The following DLG2 variants were observed in gnomAD, a reference collection of about 807,000 sequenced individuals.
DLG2 encodes discs large MAGUK scaffold protein 2.
DLG2 carries 45 observed loss-of-function variants against 132.5 expected under a neutral mutation model. That is an observed-to-expected ratio of 0.34 (90% CI 0.27 to 0.44). The LOEUF is 0.44. Among genes scored for constraint, DLG2 ranks in the 20% least tolerant of loss-of-function variants. The pLI is 1.00. For synonymous variants in DLG2, 424 were observed against 419.6 expected, an observed-to-expected ratio of 1.01 and a Z score of -0.13; for missense variants, 1,045 against 1,196.9, an observed-to-expected ratio of 0.87 and a Z score of 1.87.
At chr11:83,507,811 T>TTTAACAAGTA (rs1424078215) in intron 21 of DLG2, among the ~76,000 whole-genome samples, 1 of 138,332 alleles carries the variant, frequency 7.2e-6, no homozygotes, top group Non-Finnish European at 1.5e-5. Context: ...TATATATGAG[T>TTTAACAAGTA]TTAACAAGTA....
chr11:84,529,233 C>A (rs1565203777), intron 7 of DLG2, among the ~76,000 whole-genome samples: 2 of 152,116 alleles, frequency 1.3e-5, no homozygotes, highest in African/African-American at 4.8e-5. Context: ...AAAACCAGAA[C>A]AAGACAAGGA....
chr11:83,627,439 C>A (rs1379847282), intron 19 of DLG2, among the ~76,000 whole-genome samples: 2 of 152,030 alleles, frequency 1.3e-5, no homozygotes, highest in African/African-American at 4.8e-5. Flanking sequence ...GTTCAATTCC[C>A]ACCTATGAGT....
At chr11:85,247,478 C>G (rs1392504962) in intron 4 of DLG2, among the ~76,000 whole-genome samples, 1 of 152,008 alleles carries the variant, frequency 6.6e-6, no homozygotes, top group African/African-American at 2.4e-5. Context: ...CCTGATACTT[C>G]CTGTGGCCCC....
intron 18 of DLG2, among the ~76,000 whole-genome samples, chr11:83,720,402 A>G (rs748119992): frequency 6.6e-6 from 1 of 151,288 alleles, no homozygotes; most frequent in Non-Finnish European, 1.5e-5. Flanking sequence ...CTTTTCCACT[A>G]CAAAAGGTAC....
intron 7 of DLG2, among the ~76,000 whole-genome samples, chr11:84,327,567 C>T (rs1392173983): frequency 6.6e-6 from 1 of 152,006 alleles, no homozygotes; most frequent in Admixed American, 6.6e-5. Context: ...ATTTCTTTCT[C>T]ATTTTCTTTT....
chr11:85,491,744 T>C (rs755362581), intron 3 of DLG2, among the ~76,000 whole-genome samples: 6 of 152,014 alleles, frequency 3.9e-5, no homozygotes, highest in Non-Finnish European at 8.8e-5. Flanking sequence ...AAAGAAATAA[T>C]GGAAGTCACA....
At chr11:84,781,534 T>A (rs2071776948) in intron 6 of DLG2, among the ~76,000 whole-genome samples, 1 of 151,642 alleles carries the variant, frequency 6.6e-6, no homozygotes, top group African/African-American at 2.4e-5. Context: ...AATAATAATA[T>A]AATAATAATA....
At chr11:85,470,484 C>T (rs7130354) in intron 3 of DLG2, among the ~76,000 whole-genome samples, 6,458 of 152,054 alleles carry the variant, frequency 0.042, 438 homozygotes, top group African/African-American at 0.15. Flanking sequence ...GCACTTTGGG[C>T]GGCCAAGGCA....
In DLG2 at chr11:84,557,911, T is replaced by C. The variant is rs538465881; in HGVS notation, c.358-23180A>G. On this transcript the variant is annotated intron_variant, in intron 6 of 27. Coordinates refer to ENST00000376104, the MANE Select transcript of DLG2 (RefSeq NM_001142699.3). ...TTACTACAAAGTAGTTGTATTTTTG[T>C]CAGAAATATACCAATTTACAAACTA... Among the ~76,000 whole-genome samples, 13 of 152,250 alleles carry C rather than the reference T, an allele frequency of 8.5e-5. No homozygotes were observed. The South Asian group carries it at 2.5e-3, about 29-fold the overall frequency.
chr11:83,875,442 C>T (rs574016435), intron 15 of DLG2, among the ~76,000 whole-genome samples: 69 of 152,204 alleles, frequency 4.5e-4, no homozygotes, highest in Admixed American at 4.1e-3. Flanking sequence ...ATGGTAACTT[C>T]CTGTGCCTGA....
intron 4 of DLG2, among the ~76,000 whole-genome samples, chr11:85,279,935 T>C (rs1160662333): frequency 1.3e-5 from 2 of 152,144 alleles, no homozygotes; most frequent in Non-Finnish European, 2.9e-5. Flanking sequence ...TTGTGCATTG[T>C]ATAGTAATGA....
intron 21 of DLG2, among the ~76,000 whole-genome samples, chr11:83,521,642 A>G (rs1272053678): frequency 6.6e-6 from 1 of 152,008 alleles, no homozygotes; most frequent in African/African-American, 2.4e-5. Flanking sequence ...TTTCCCTTCC[A>G]CTGTCCTCCT....
chr11:83,513,177 C>T (rs2095128353), intron 21 of DLG2, among the ~76,000 whole-genome samples: 1 of 152,210 alleles, frequency 6.6e-6, no homozygotes. Context: ...TATTTCTCCA[C>T]ATCCTCTCCA....
intron 5 of DLG2, among the ~76,000 whole-genome samples, chr11:85,122,169 G>C (rs952276122): frequency 6.6e-6 from 1 of 152,156 alleles, no homozygotes; most frequent in East Asian, 1.9e-4. Context: ...TCACATTCTA[G>C]CAAGAAATAG....
intron 7 of DLG2, among the ~76,000 whole-genome samples, chr11:84,305,229 C>T (rs1198099012): frequency 6.6e-6 from 1 of 151,974 alleles, no homozygotes; most frequent in South Asian, 2.1e-4. Context: ...GTCTGTGAGT[C>T]CTACTATGCC....
intron 3 of DLG2, among the ~76,000 whole-genome samples, chr11:85,523,728 G>C (rs1340393153): frequency 6.6e-6 from 1 of 152,072 alleles, no homozygotes; most frequent in Non-Finnish European, 1.5e-5. Context: ...CCCACTGCTG[G>C]GTACATACCC....
chr11:85,160,516 G>T (rs2077944294), intron 4 of DLG2, among the ~76,000 whole-genome samples: 1 of 152,160 alleles, frequency 6.6e-6, no homozygotes, highest in Non-Finnish European at 1.5e-5. Flanking sequence ...TTGACTATAG[G>T]TCATCAAGTT....
intron 6 of DLG2, among the ~76,000 whole-genome samples, chr11:84,967,802 T>C (rs1465519480): frequency 2.6e-5 from 4 of 152,086 alleles, no homozygotes; most frequent in African/African-American, 9.7e-5. Context: ...AATCACACAA[T>C]GAGTACATTT....
chr11:85,137,779 G>A (rs1328201379), intron 5 of DLG2, among the ~76,000 whole-genome samples: 3 of 152,142 alleles, frequency 2.0e-5, no homozygotes, highest in Admixed American at 6.6e-5. Flanking sequence ...ACCCAGAACA[G>A]CAGGCACACA....
Sources: allele counts gnomAD v4.1 joint callset (sites outside exome capture counted in the v4.1 genomes callset), GRCh38; gene constraint gnomAD v4.1.1; transcripts MANE v1.5; gene names NCBI Gene and HGNC (gene_info 2026-07-23, HGNC 2026-07-21).